GPC6: variants seen among roughly 807,000 people sequenced by gnomAD.
The protein encoded by GPC6 is glypican-6.
In GPC6, 14 loss-of-function variants were observed where a neutral mutation model predicts 55.2. That is an observed-to-expected ratio of 0.25 (90% CI 0.17 to 0.40). GPC6 has a LOEUF of 0.40. Ranked by LOEUF, GPC6 falls within the 10% of genes least tolerant of loss-of-function variation. The pLI is 1.00. For missense variants in GPC6, 641 were observed against 708.5 expected (o/e 0.90, Z 1.08); for synonymous variants, 278 against 259.6 (o/e 1.07, Z -0.68).
chr13:93,489,110 C>T (rs555364859), intron 1 of GPC6, among the ~76,000 whole-genome samples: 1 of 151,434 alleles, frequency 6.6e-6, no homozygotes, highest in Non-Finnish European at 1.5e-5. Context: ...TTAGGTCTAA[C>T]ATTTAAGTCT....
intron 4 of GPC6, among the ~76,000 whole-genome samples, chr13:94,163,909 T>C (rs998222977): frequency 6.6e-6 from 1 of 152,146 alleles, no homozygotes; most frequent in Non-Finnish European, 1.5e-5. Flanking sequence ...GATGACTAGA[T>C]AAAAATGAGA....
chr13:93,242,964 C>G (rs1382253808), intron 1 of GPC6, among the ~76,000 whole-genome samples: 4 of 152,172 alleles, frequency 2.6e-5, no homozygotes, highest in African/African-American at 9.7e-5. Flanking sequence ...AGAACAAAGT[C>G]TCGCAATGGG....
At chr13:94,091,720 T>A (rs1043370227) in intron 4 of GPC6, among the ~76,000 whole-genome samples, 14 of 152,098 alleles carry the variant, frequency 9.2e-5, no homozygotes, top group Non-Finnish European at 1.9e-4. Flanking sequence ...TCCCTACCCA[T>A]TAAAATATGA....
chr13:93,418,670 A>T (rs1594156157), intron 1 of GPC6, among the ~76,000 whole-genome samples: 1 of 151,498 alleles, frequency 6.6e-6, no homozygotes, highest in East Asian at 2.0e-4. Flanking sequence ...GCTATACCGT[A>T]GTATTTTATT....
chr13:93,325,193 A>T (rs1353826970), intron 1 of GPC6, among the ~76,000 whole-genome samples: 1 of 152,168 alleles, frequency 6.6e-6, no homozygotes. Flanking sequence ...CTAGCCAGTT[A>T]GTCCCCACAT....
rs375073208 is a variant in GPC6, at chr13:94,352,259, G to A, written c.1153-30155G>A. Among the ~76,000 whole-genome samples, 6 of 152,110 alleles carry A rather than the reference G, an allele frequency of 3.9e-5. No individual in the cohort carries two copies. In the East Asian group the frequency reaches 1.2e-3, roughly 30 times the overall value. ...GAACAGGGCTGGTGAGAGTGGGACTGGGCTCTCTTCCAGGATCCCAGGCTC... is the reference window on the plus strand; with the variant it reads ...GAACAGGGCTGGTGAGAGTGGGACTAGGCTCTCTTCCAGGATCCCAGGCTC... On this transcript the variant is annotated intron_variant, in intron 6 of 8. Coordinates refer to ENST00000377047, the MANE Select transcript of GPC6 (RefSeq NM_005708.5).
At position 94,154,931 on chromosome 13, in the gene GPC6, CA is replaced by C. The variant is rs1388111539; in HGVS notation, c.877+127038del. Among the ~76,000 whole-genome samples the C allele has an allele frequency of 3.3e-5, 5 of 152,292 alleles. No homozygotes were observed. In the East Asian group the frequency reaches 7.7e-4, roughly 24 times the overall value. The stretch of plus-strand genomic sequence containing the variant: ...TATTCAAAAAAGTACCCCCCAAAAG[CA>C]TTGAGTATTTTTCTCCCTGTGTTCT... On this transcript the variant is annotated intron_variant, in intron 4 of 8. Coordinates refer to ENST00000377047, the MANE Select transcript of GPC6 (RefSeq NM_005708.5).
At chr13:93,697,949 AT>A (rs1446196058) in intron 2 of GPC6, among the ~76,000 whole-genome samples, 1 of 152,102 alleles carries the variant, frequency 6.6e-6, no homozygotes, top group Non-Finnish European at 1.5e-5. Flanking sequence ...ACTGCATTTC[AT>A]TTATCTTGAC....
chr13:93,396,564 T>C (rs1875867294), intron 1 of GPC6, among the ~76,000 whole-genome samples: 1 of 150,024 alleles, frequency 6.7e-6, no homozygotes, highest in African/African-American at 2.5e-5. Context: ...CAAGACTCCA[T>C]CTCAAAAAAG....
intron 4 of GPC6, among the ~76,000 whole-genome samples, chr13:94,142,586 T>C (rs932139235): frequency 6.6e-6 from 1 of 152,200 alleles, no homozygotes; most frequent in African/African-American, 2.4e-5. Context: ...GAGAACTTTT[T>C]AGCTAAATGT....
At chr13:94,157,068 T>C (rs374026699) in intron 4 of GPC6, among the ~76,000 whole-genome samples, 35 of 152,018 alleles carry the variant, frequency 2.3e-4, no homozygotes, top group African/African-American at 7.2e-4. Flanking sequence ...GGCTGATGAG[T>C]GTAGTGGTTA....
intron 4 of GPC6, among the ~76,000 whole-genome samples, chr13:94,135,583 C>T (rs1157332174): frequency 6.6e-6 from 1 of 152,230 alleles, no homozygotes; most frequent in African/African-American, 2.4e-5. Context: ...CCCACCCACC[C>T]GTCAGGGTTG....
chr13:93,785,676 A>G (rs1885796761), intron 2 of GPC6, among the ~76,000 whole-genome samples: 1 of 152,218 alleles, frequency 6.6e-6, no homozygotes, highest in Admixed American at 6.5e-5. Flanking sequence ...TTTAGAAAAC[A>G]TAAGTCAGGC....
chr13:93,818,108 ATAAT>A (rs1465179986), intron 2 of GPC6, among the ~76,000 whole-genome samples: 1 of 147,940 alleles, frequency 6.8e-6, no homozygotes, highest in Admixed American at 6.8e-5. Context: ...ATTATATATA[ATAAT>A]TTATATATAC....
At chr13:94,161,921 G>A (rs1594006374) in intron 4 of GPC6, among the ~76,000 whole-genome samples, 3 of 152,092 alleles carry the variant, frequency 2.0e-5, no homozygotes, top group Admixed American at 1.3e-4. Flanking sequence ...TTACATGGCG[G>A]CAGGCAAGAG....
chr13:94,189,816 T>A (rs1889324327), intron 4 of GPC6, among the ~76,000 whole-genome samples: 1 of 151,536 alleles, frequency 6.6e-6, no homozygotes. Flanking sequence ...GGTCAGGAGA[T>A]CAAGACCATC....
intron 2 of GPC6, among the ~76,000 whole-genome samples, chr13:93,649,429 G>A (rs1386739933): frequency 6.6e-6 from 1 of 152,130 alleles, no homozygotes; most frequent in Non-Finnish European, 1.5e-5. Context: ...CAGCCTGAGC[G>A]ACAGAGTGAG....
intron 6 of GPC6, among the ~76,000 whole-genome samples, chr13:94,307,172 G>T (rs1875990008): frequency 6.6e-6 from 1 of 152,088 alleles, no homozygotes. Context: ...CAACCTAAAG[G>T]CCTATCCATG....
intron 4 of GPC6, among the ~76,000 whole-genome samples, chr13:94,142,178 A>G (rs951052550): frequency 6.6e-6 from 1 of 152,198 alleles, no homozygotes; most frequent in African/African-American, 2.4e-5. Context: ...AAGAATACAC[A>G]CCTATATACA....
Sources: allele counts gnomAD v4.1 joint callset (sites outside exome capture counted in the v4.1 genomes callset), GRCh38; gene constraint gnomAD v4.1.1; transcripts MANE v1.5; gene names NCBI Gene and HGNC (gene_info 2026-07-23, HGNC 2026-07-21).